PALM2AKAP2: variants seen among roughly 807,000 people sequenced by gnomAD.
PALM2AKAP2 encodes the protein PALM2-AKAP2 fusion protein.
Under a neutral mutation model 71.5 loss-of-function variants are expected in PALM2AKAP2, and 37 were observed. The ratio of observed to expected loss-of-function variants is 0.52; its 90% confidence interval spans 0.40 to 0.68. The LOEUF is 0.68. Ranked by LOEUF, PALM2AKAP2 falls within the 30% of genes least tolerant of loss-of-function variation. PALM2AKAP2 has a pLI of 0.00. For missense variants in PALM2AKAP2, 1,224 were observed against 1,191.8 expected, an observed-to-expected ratio of 1.03 and a Z score of -0.40; for synonymous variants, 468 against 478.8, an observed-to-expected ratio of 0.98 and a Z score of 0.29.
intron 2 of PALM2AKAP2, among the ~76,000 whole-genome samples, chr9:110,140,971 G>A (rs1186923950): frequency 3.9e-5 from 6 of 152,182 alleles, no homozygotes; most frequent in Admixed American, 3.3e-4. Flanking sequence ...GAATAATGGG[G>A]GGGCGGGCAC....
chr9:109,967,700 G>A (rs765542883), intron 6 of PALM2AKAP2, among the ~76,000 whole-genome samples: 6 of 152,176 alleles, frequency 3.9e-5, no homozygotes, highest in Non-Finnish European at 8.8e-5. Flanking sequence ...GTGAGCCACC[G>A]CACTTGGCTG....
At chr9:110,059,342 A>G (rs970270529) in intron 1 of PALM2AKAP2, among the ~76,000 whole-genome samples, 2 of 152,204 alleles carry the variant, frequency 1.3e-5, no homozygotes, top group African/African-American at 4.8e-5. Context: ...CTCGAAGTAC[A>G]GAATTCTAAA....
intron 7 of PALM2AKAP2, among the ~76,000 whole-genome samples, chr9:110,028,931 G>GT (rs1026158036): frequency 7.2e-6 from 1 of 138,260 alleles, no homozygotes; most frequent in Admixed American, 7.4e-5. Flanking sequence ...ATTATTTGTG[G>GT]TTTTGGGTTC....
chr9:110,016,006 C>T (rs1832974150), exon 7 of PALM2AKAP2: 3 of 1,614,028 alleles, frequency 1.9e-6, no homozygotes, highest in South Asian at 1.1e-5. Flanking sequence ...CCTCGAACGC[C>T]ACAGAAACAT....
chr9:110,048,665 C>A, upstream of PALM2AKAP2: 1 of 1,492,626 alleles, frequency 6.7e-7, no homozygotes, highest in Admixed American at 2.2e-5. Flanking sequence ...GGCTCCCCGC[C>A]CTCCAGCGCG....
chr9:109,882,816 A>AC (rs1564194264), intron 3 of PALM2AKAP2, among the ~76,000 whole-genome samples: 1 of 143,842 alleles, frequency 7.0e-6, no homozygotes, highest in East Asian at 2.0e-4. Context: ...CATTATTATT[A>AC]TTTTTTTTTT....
rs145920736 is a variant in PALM2AKAP2, at chr9:109,900,745, C to T, written c.257+20064C>T. ...TGGAGTTTTCAGAGATTTCCTGAAG[C>T]TTCTGGACTGACGTTTCTATTGTAC... On this transcript the variant is annotated intron_variant, in intron 3 of 9. Coordinates refer to the PALM2AKAP2 transcript ENST00000302798. Among the ~76,000 whole-genome samples, 469 of 152,272 alleles carry T rather than the reference C, an allele frequency of 3.1e-3. 5 individuals are homozygous for T. Among genetic ancestry groups the T allele is most frequent in the Admixed American group, 5.6e-3 (85 of 15,300 alleles).
intron 1 of PALM2AKAP2, among the ~76,000 whole-genome samples, chr9:109,737,275 A>G (rs922961326): frequency 2.0e-5 from 3 of 152,228 alleles, no homozygotes; most frequent in Non-Finnish European, 4.4e-5. Flanking sequence ...GGTCCAGCAA[A>G]CTGGGTGGCC....
chr9:110,116,975 C>T (rs1052146854), intron 1 of PALM2AKAP2, among the ~76,000 whole-genome samples: 2 of 152,114 alleles, frequency 1.3e-5, no homozygotes, highest in Non-Finnish European at 2.9e-5. Flanking sequence ...GAGCCCTGGC[C>T]GTTTAAAAGT....
chr9:109,832,924 C>G (rs1828346246), intron 1 of PALM2AKAP2, among the ~76,000 whole-genome samples: 1 of 152,224 alleles, frequency 6.6e-6, no homozygotes. Context: ...TGGACATATA[C>G]TACTCTAGGC....
At chr9:109,853,697 T>C (rs371590810) in intron 1 of PALM2AKAP2, among the ~76,000 whole-genome samples, 37 of 152,368 alleles carry the variant, frequency 2.4e-4, no homozygotes, top group African/African-American at 8.7e-4. Flanking sequence ...TGAAAGTGTT[T>C]GCTATTCTAT....
chr9:109,887,987 C>T (rs1830005191), intron 3 of PALM2AKAP2, among the ~76,000 whole-genome samples: 1 of 152,160 alleles, frequency 6.6e-6, no homozygotes, highest in South Asian at 2.1e-4. Context: ...TCTGGAGGTG[C>T]CGGTCTTCAG....
At chr9:109,640,920 G>C in intron 1 of PALM2AKAP2, 1 of 1,483,008 alleles carries the variant, frequency 6.7e-7, no homozygotes, top group Non-Finnish European at 8.9e-7. Flanking sequence ...ATGTTGCCAT[G>C]GTGACCGCGG....
exon 4 of PALM2AKAP2, chr9:110,168,557 A>C (rs1836790741): frequency 6.3e-7 from 1 of 1,581,988 alleles, no homozygotes; most frequent in Non-Finnish European, 8.6e-7. Context: ...CAAGAAATTA[A>C]CAACTGAAAG....
chr9:109,745,756 C>A (rs549751053), intron 1 of PALM2AKAP2, among the ~76,000 whole-genome samples: 3 of 152,264 alleles, frequency 2.0e-5, no homozygotes, highest in Admixed American at 6.5e-5. Flanking sequence ...AGTGGTGTGG[C>A]TGCCAGAACT....
chr9:110,051,179 T>C, intron 1 of PALM2AKAP2, among the ~76,000 whole-genome samples: 1 of 152,220 alleles, frequency 6.6e-6, no homozygotes, highest in East Asian at 1.9e-4. Flanking sequence ...ATACTCATTA[T>C]CTCATAGTTC....
chr9:109,838,294 A>G (rs915033591), intron 1 of PALM2AKAP2, among the ~76,000 whole-genome samples: 4 of 152,250 alleles, frequency 2.6e-5, no homozygotes, highest in Non-Finnish European at 2.9e-5. Context: ...ACATAATGAA[A>G]TGAAGGCAGA....
intron 6 of PALM2AKAP2, among the ~76,000 whole-genome samples, chr9:109,973,179 A>G (rs1832104631): frequency 6.6e-6 from 1 of 152,230 alleles, no homozygotes; most frequent in African/African-American, 2.4e-5. Context: ...ATTGAATGTC[A>G]TACCCAAAAG....
intron 2 of PALM2AKAP2, among the ~76,000 whole-genome samples, chr9:109,878,337 T>C (rs541720681): frequency 7.6e-4 from 116 of 152,292 alleles, no homozygotes; most frequent in Non-Finnish European, 1.3e-3. Context: ...TTTACGCATA[T>C]TGAGGTGTGG....
Sources: gnomAD v4.1 joint callset for allele counts (sites outside exome capture counted in the v4.1 genomes callset) on GRCh38, gnomAD v4.1.1 for gene constraint, MANE v1.5 for transcripts, NCBI Gene and HGNC (gene_info 2026-07-23, HGNC 2026-07-21) for gene names.